Variants in SPMAP2L observed in about 807,000 individuals in gnomAD.
SPMAP2L encodes sperm microtubule associated protein 2 like.
chr4:56,595,201 A>T, the SPMAP2L span: 1 of 1,611,722 alleles, frequency 6.2e-7, no homozygotes, highest in Middle Eastern at 2.2e-4. Flanking sequence ...AAAACACTAC[A>T]GAATTCTTTT....
the SPMAP2L span, among the ~76,000 whole-genome samples, chr4:56,532,040 T>C: frequency 6.6e-6 from 1 of 152,190 alleles, no homozygotes; most frequent in African/African-American, 2.4e-5. Flanking sequence ...CCTCAGCAGT[T>C]GACTCTTGCT....
chr4:56,575,473 C>T, the SPMAP2L span: 34 of 1,531,234 alleles, frequency 2.2e-5, no homozygotes, highest in Non-Finnish European at 2.8e-5. Flanking sequence ...ATGCTTGTTT[C>T]GTTTACTTCT....
chr4:56,614,413 G>A, the SPMAP2L span, among the ~76,000 whole-genome samples: 1 of 152,094 alleles, frequency 6.6e-6, no homozygotes, highest in Admixed American at 6.5e-5. Context: ...CCAGCACTTT[G>A]AGAGGCCAAG....
the SPMAP2L span, among the ~76,000 whole-genome samples, chr4:56,558,587 C>G: frequency 6.6e-6 from 1 of 152,054 alleles, no homozygotes; most frequent in Non-Finnish European, 1.5e-5. Flanking sequence ...TCTAAGGTAA[C>G]CTTTGCTTTG....
At chr4:56,545,692 G>T in the SPMAP2L span, among the ~76,000 whole-genome samples, 4 of 137,842 alleles carry the variant, frequency 2.9e-5, no homozygotes, top group Admixed American at 1.6e-4. Context: ...CTGCACTCTA[G>T]CCTGGGCAAC....
chr4:56,548,161 C>T, the SPMAP2L span, among the ~76,000 whole-genome samples: 1 of 152,220 alleles, frequency 6.6e-6, no homozygotes, highest in Middle Eastern at 3.4e-3. Flanking sequence ...AAAAATTTTG[C>T]CAATTTGCCA....
At chr4:56,570,274 C>T in the SPMAP2L span, among the ~76,000 whole-genome samples, 2 of 152,168 alleles carry the variant, frequency 1.3e-5, no homozygotes, top group Non-Finnish European at 1.5e-5. Flanking sequence ...ATAGTACTCA[C>T]CACAACTATT....
chr4:56,577,071 A>G, the SPMAP2L span, among the ~76,000 whole-genome samples: 9 of 152,180 alleles, frequency 5.9e-5, no homozygotes. Flanking sequence ...CCTTAGGCTA[A>G]TGGTCTGACT....
the SPMAP2L span, among the ~76,000 whole-genome samples, chr4:56,540,068 T>G: frequency 6.6e-6 from 1 of 152,150 alleles, no homozygotes; most frequent in Admixed American, 6.5e-5. Flanking sequence ...CACTCAAGAG[T>G]TACTGAGCTC....
the SPMAP2L span, chr4:56,548,889 C>G: frequency 8.5e-7 from 1 of 1,173,142 alleles, no homozygotes. Flanking sequence ...CTGGATGGGG[C>G]AGATTCATTT....
chr4:56,563,218 G>A, the SPMAP2L span, among the ~76,000 whole-genome samples: 158 of 145,236 alleles, frequency 1.1e-3, 1 homozygote, highest in African/African-American at 3.6e-3. Flanking sequence ...TCAGCCTCCC[G>A]AGAAGCTAGG....
chr4:56,607,996 A>G, the SPMAP2L span, among the ~76,000 whole-genome samples: 60 of 84,222 alleles, frequency 7.1e-4, no homozygotes, highest in South Asian at 3.4e-3. Context: ...CTGTCTCAAG[A>G]AAAAAAAAAA....
At chr4:56,565,942 C>A in the SPMAP2L span, among the ~76,000 whole-genome samples, 1 of 152,188 alleles carries the variant, frequency 6.6e-6, no homozygotes, top group African/African-American at 2.4e-5. Context: ...TTATTGTTAG[C>A]ATGACATATA....
the SPMAP2L span, among the ~76,000 whole-genome samples, chr4:56,585,457 C>T: frequency 2.0e-5 from 3 of 152,140 alleles, no homozygotes; most frequent in Admixed American, 6.5e-5. Flanking sequence ...AATGATCCTC[C>T]TACCCTGGCC....
chr4:56,589,592 G>A, the SPMAP2L span, among the ~76,000 whole-genome samples: 1 of 152,038 alleles, frequency 6.6e-6, no homozygotes, highest in Non-Finnish European at 1.5e-5. Flanking sequence ...ATTTGTTTGT[G>A]TCATCTGTGA....
At chr4:56,618,919 C>T in the SPMAP2L span, among the ~76,000 whole-genome samples, 1 of 152,146 alleles carries the variant, frequency 6.6e-6, no homozygotes, top group Admixed American at 6.5e-5. Context: ...GCCATATGTC[C>T]TGGGCCATAA....
the SPMAP2L span, chr4:56,594,819 G>C: frequency 6.4e-7 from 1 of 1,566,554 alleles, no homozygotes; most frequent in Non-Finnish European, 8.8e-7. Flanking sequence ...CATCAACATG[G>C]AGGATAGGTC....
chr4:56,548,981 TTCTTTCTTTC>T, the SPMAP2L span, among the ~76,000 whole-genome samples: 1 of 148,686 alleles, frequency 6.7e-6, no homozygotes, highest in African/African-American at 2.5e-5. Flanking sequence ...TTCTTTTCTT[TTCTTTCTTTC>T]TTTTTTTTTT....
At chr4:56,552,552 T>C in the SPMAP2L span, 1 of 1,509,172 alleles carries the variant, frequency 6.6e-7, no homozygotes, top group African/African-American at 1.4e-5. Flanking sequence ...TTGTTAGTTT[T>C]TCTTCTAGGA....
Sources: allele counts gnomAD v4.1 joint callset (sites outside exome capture counted in the v4.1 genomes callset), GRCh38; gene constraint gnomAD v4.1.1; transcripts MANE v1.5; gene names NCBI Gene and HGNC (gene_info 2026-07-23, HGNC 2026-07-21).